The following APOOL variants were observed in gnomAD, a reference collection of about 807,000 sequenced individuals.
APOOL encodes the protein apolipoprotein O like, also known as MICOS complex subunit MIC27.
In APOOL, 12 loss-of-function variants were observed where a neutral mutation model predicts 23.1. That is an observed-to-expected ratio of 0.52 (90% CI 0.33 to 0.84). APOOL has a LOEUF of 0.84. Among genes scored for constraint, APOOL ranks in the 40% least tolerant of loss-of-function variants. The probability of loss-of-function intolerance (pLI) is 0.02; values close to 1 mark genes in which losing one functional copy is unlikely to be tolerated. For missense variants in APOOL, 212 were observed against 199.6 expected (o/e 1.06, Z -0.37); for synonymous variants, 77 against 69.9 (o/e 1.10, Z -0.51).
chrX:85,088,316 G>GTTTTTTTTTTT lies in APOOL; in HGVS notation c.*657_*667dup, dbSNP rs766497759. Reference sequence around the variant, plus strand: ...TGTATGGAAAGGTGTGTTTCCCTCTGTTTTTTTTTTTTTTTTTTTTTTTTT... The same window carrying GTTTTTTTTTTT: ...TGTATGGAAAGGTGTGTTTCCCTCTGTTTTTTTTTTTTTTTTTTTTTTTTTTTTTTTTTTTT... On this transcript the variant is annotated 3_prime_UTR_variant, in exon 9 of 9. Coordinates refer to ENST00000373173, the MANE Select transcript of APOOL (RefSeq NM_198450.6). 3.6e-4 allele frequency: 8 copies of GTTTTTTTTTTT among 22,533 alleles called. 2 individuals are homozygous for GTTTTTTTTTTT. Among genetic ancestry groups the GTTTTTTTTTTT allele is most frequent in the Admixed American group, 7.4e-4 (1 of 1,357 alleles). The allele number at this position is 22,533 out of a possible 1,213,427, so 1.9% of individuals were successfully genotyped here.
At chrX:85,029,280 C>A (rs1602748930) in intron 1 of APOOL, among the ~76,000 whole-genome samples, 1 of 111,465 alleles carries the variant, frequency 9.0e-6, no homozygotes, top group Non-Finnish European at 1.9e-5. Flanking sequence ...AGCTATATAA[C>A]TTTGGGCAGA....
chrX:85,055,511 AGTCAGAAAT>A (rs1922928647), intron 4 of APOOL, among the ~76,000 whole-genome samples: 3 of 111,999 alleles, frequency 2.7e-5, no homozygotes, highest in African/African-American at 9.7e-5. Flanking sequence ...ATACATACGC[AGTCAGAAAT>A]TTACCTTATA....
At chrX:85,087,378 G>A (rs1924347718) in intron 8 of APOOL, among the ~76,000 whole-genome samples, 1 of 110,224 alleles carries the variant, frequency 9.1e-6, no homozygotes, top group South Asian at 3.9e-4. Context: ...AATCACCTAA[G>A]CACTCCATAT....
intron 1 of APOOL, among the ~76,000 whole-genome samples, chrX:85,006,593 G>A (rs1921088153): frequency 1.8e-5 from 2 of 110,086 alleles, no homozygotes; most frequent in African/African-American, 6.6e-5. Flanking sequence ...ACAGGAGACA[G>A]AAGACTTGAG....
intron 1 of APOOL, among the ~76,000 whole-genome samples, chrX:85,006,730 C>T (rs1257494308): frequency 9.0e-6 from 1 of 111,472 alleles, no homozygotes; most frequent in African/African-American, 3.3e-5. Context: ...TATGTGGATT[C>T]TCTCATTTAT....
rs1924369845 is a variant in APOOL at position 85,087,839 on chromosome X, G to C, written c.*161G>C. The stretch of plus-strand genomic sequence containing the variant: ...ATATGCCATTTGATAAATTACATAA[G>C]TGGTTAACACACAAACTGTGAATGC... On this transcript the variant is annotated 3_prime_UTR_variant, in exon 9 of 9. Coordinates refer to ENST00000373173, the MANE Select transcript of APOOL (RefSeq NM_198450.6). The C allele has an allele frequency of 2.4e-6, 1 of 418,781 alleles. No individual in the cohort carries two copies. The highest frequency in any genetic ancestry group is 2.6e-5 in the African/African-American group (1 of 38,440). The allele number at this position is 418,781 out of a possible 1,213,427, so 34.5% of individuals were successfully genotyped here.
chrX:85,043,666 G>A (rs1450610888), intron 1 of APOOL, among the ~76,000 whole-genome samples: 3 of 111,139 alleles, frequency 2.7e-5, no homozygotes, highest in African/African-American at 9.8e-5. Flanking sequence ...GTATAACTTA[G>A]ACTTGTAGAT....
chrX:85,009,547 G>A (rs1921206444), intron 1 of APOOL, among the ~76,000 whole-genome samples: 1 of 111,536 alleles, frequency 9.0e-6, no homozygotes, highest in Non-Finnish European at 1.9e-5. Flanking sequence ...CATGTTTATT[G>A]ATTTGGATAT....
At chrX:85,023,588 G>A (rs753403711) in intron 1 of APOOL, among the ~76,000 whole-genome samples, 4 of 111,726 alleles carry the variant, frequency 3.6e-5, no homozygotes, top group Non-Finnish European at 7.5e-5. Context: ...AAGAGACTCC[G>A]AACAGCCAGA....
chrX:85,075,052 A>G (rs1923792946), intron 8 of APOOL, among the ~76,000 whole-genome samples: 1 of 110,687 alleles, frequency 9.0e-6, no homozygotes, highest in African/African-American at 3.3e-5. Context: ...ATTGATTTGC[A>G]TAGGTTTATC....
At chrX:85,008,190 A>C (rs1380343513) in intron 1 of APOOL, among the ~76,000 whole-genome samples, 1 of 111,513 alleles carries the variant, frequency 9.0e-6, no homozygotes, top group African/African-American at 3.3e-5. Flanking sequence ...TGATGATTTG[A>C]TATACATATA....
At chrX:85,060,230 G>A (rs1923154842) in intron 5 of APOOL, among the ~76,000 whole-genome samples, 1 of 103,626 alleles carries the variant, frequency 9.7e-6, no homozygotes, top group African/African-American at 3.6e-5. Context: ...CTGTTCCATT[G>A]ATCTATATCT....
rs1277136801 is a variant in APOOL at position 85,088,402 on chromosome X, T to C, written c.*724T>C. 1.0e-5 allele frequency: 1 copy of C among 96,671 alleles called. No homozygotes were observed. Among genetic ancestry groups the C allele is most frequent in the African/African-American group, 3.8e-5 (1 of 26,083 alleles). 8.0% of individuals were successfully genotyped at this position (96,671 alleles called of 1,213,427 possible). A position where few individuals can be genotyped will look rare whatever the true frequency, so the allele number is the denominator to read the frequency against. On this transcript the variant is annotated 3_prime_UTR_variant, in exon 9 of 9. Transcript: ENST00000373173. ...TGTTTTATGGGACTTGAGCTTGGCT[T>C]TGTCCCTTGGTTTTGTTAATGTTAA...
intron 5 of APOOL, among the ~76,000 whole-genome samples, chrX:85,060,353 C>T (rs1444432273): frequency 2.8e-5 from 3 of 106,110 alleles, no homozygotes; most frequent in Admixed American, 1.0e-4. Context: ...ATTGACTTGG[C>T]GATGCGGGCT....
At chrX:85,077,673 G>A (rs1372548463) in intron 8 of APOOL, among the ~76,000 whole-genome samples, 7 of 111,549 alleles carry the variant, frequency 6.3e-5, no homozygotes, top group Non-Finnish European at 1.1e-4. Flanking sequence ...GATCCTTGAG[G>A]AATCGCCACA....
rs1922481633 is a variant in APOOL, at chrX:85,043,794, A to G, written c.16-2652A>G. 7.1e-5 allele frequency among the ~76,000 whole-genome samples: 8 copies of G among 112,017 alleles called. No individual in the cohort carries two copies. In the South Asian group the frequency reaches 3.0e-3, roughly 41 times the overall value. On this transcript the variant is annotated intron_variant, in intron 1 of 8. Coordinates refer to ENST00000373173, the MANE Select transcript of APOOL (RefSeq NM_198450.6). ...TTATCACTGTTCTCACTAGAGCCTG[A>G]TTAGCATGAAATACATGTGCAAAGA...
intron 1 of APOOL, among the ~76,000 whole-genome samples, chrX:85,008,940 G>A (rs778052616): frequency 9.0e-5 from 10 of 111,498 alleles, no homozygotes; most frequent in Non-Finnish European, 1.7e-4. Context: ...TGGTTTGATA[G>A]TTTTCAATAT....
At chrX:85,063,352 A>AT (rs376665448) in intron 5 of APOOL, among the ~76,000 whole-genome samples, 158 of 110,488 alleles carry the variant, frequency 1.4e-3, no homozygotes, top group African/African-American at 4.4e-3. Context: ...AATACCCTTT[A>AT]TTTTTTTTAT....
At chrX:85,051,843 G>A (rs1248953986) in intron 3 of APOOL, among the ~76,000 whole-genome samples, 3 of 111,777 alleles carry the variant, frequency 2.7e-5, no homozygotes, top group Admixed American at 9.5e-5. Flanking sequence ...ACACCTACAC[G>A]TGGCCTCTCA....
Sources: gnomAD v4.1 joint callset for allele counts (sites outside exome capture counted in the v4.1 genomes callset) on GRCh38, gnomAD v4.1.1 for gene constraint, MANE v1.5 for transcripts, NCBI Gene and HGNC (gene_info 2026-07-23, HGNC 2026-07-21) for gene names.